The following EPHB2 variants were observed in gnomAD, a reference collection of about 807,000 sequenced individuals.
EPHB2 encodes ephrin type-B receptor 2.
A neutral mutation model predicts 96.4 loss-of-function variants in EPHB2; 18 were observed. The ratio of observed to expected loss-of-function variants is 0.19; its 90% CI spans 0.13 to 0.28. The LOEUF (loss-of-function observed/expected upper bound fraction) is 0.28, where lower values mean the gene tolerates loss of function less well. Among genes scored for constraint, EPHB2 ranks in the 10% least tolerant of loss-of-function variants. The probability of loss-of-function intolerance (pLI) is 1.00; values close to 1 mark genes in which losing one functional copy is unlikely to be tolerated. For missense variants in EPHB2, 989 were observed against 1,355.4 expected (o/e 0.73, Z 4.25); for synonymous variants, 506 against 534.1 (o/e 0.95, Z 0.72).
intron 3 of EPHB2, among the ~76,000 whole-genome samples, chr1:22,806,564 C>T (rs1644930078): frequency 6.6e-6 from 1 of 152,048 alleles, no homozygotes; most frequent in African/African-American, 2.4e-5. Flanking sequence ...GATGGCTTCC[C>T]AGGCCCCAGG....
chr1:22,814,157 C>A (rs769790632), intron 3 of EPHB2, among the ~76,000 whole-genome samples: 3 of 151,832 alleles, frequency 2.0e-5, no homozygotes, highest in African/African-American at 7.3e-5. Context: ...GCAACGAGAG[C>A]GAAACTCCAT....
At chr1:22,832,949 C>G (rs1436804128) in intron 3 of EPHB2, among the ~76,000 whole-genome samples, 1 of 152,110 alleles carries the variant, frequency 6.6e-6, no homozygotes, top group Non-Finnish European at 1.5e-5. Context: ...CACATGTATA[C>G]AGACAGGGAG....
intron 3 of EPHB2, among the ~76,000 whole-genome samples, chr1:22,839,977 A>T (rs1645441882): frequency 6.6e-6 from 1 of 152,142 alleles, no homozygotes; most frequent in South Asian, 2.1e-4. Context: ...CAGGGACTGG[A>T]TCTCATTTGT....
At chr1:22,714,496 G>A (rs746981409) in intron 1 of EPHB2, among the ~76,000 whole-genome samples, 1 of 152,324 alleles carries the variant, frequency 6.6e-6, no homozygotes, top group African/African-American at 2.4e-5. Context: ...ACTTTGATGT[G>A]TCTGAGGAGG....
intron 6 of EPHB2, among the ~76,000 whole-genome samples, chr1:22,883,713 C>T (rs1233431840): frequency 2.0e-5 from 3 of 152,180 alleles, no homozygotes; most frequent in Non-Finnish European, 4.4e-5. Context: ...CTAACCAGGC[C>T]GGTCTCCAGG....
intron 1 of EPHB2, among the ~76,000 whole-genome samples, chr1:22,766,380 C>A (rs1644307838): frequency 6.6e-6 from 1 of 152,208 alleles, no homozygotes; most frequent in Non-Finnish European, 1.5e-5. Context: ...TATCCCTGTT[C>A]AAATGCAGCG....
chr1:22,824,345 A>G (rs4655125), intron 3 of EPHB2, among the ~76,000 whole-genome samples: 151,485 of 152,296 alleles, frequency 0.99, 75,344 homozygotes, highest in Middle Eastern at 1. Context: ...AAAGGCCTCC[A>G]TCCAACTCAG....
intron 3 of EPHB2, among the ~76,000 whole-genome samples, chr1:22,788,642 A>T (rs1644645691): frequency 6.6e-6 from 1 of 152,064 alleles, no homozygotes; most frequent in Admixed American, 6.5e-5. Flanking sequence ...GTTAAAGTGC[A>T]GGTTTCTGGG....
chr1:22,729,438 T>C (rs1643654643), intron 1 of EPHB2, among the ~76,000 whole-genome samples: 1 of 152,232 alleles, frequency 6.6e-6, no homozygotes. Flanking sequence ...TTTCCACAAC[T>C]CCCTGTTGCT....
chr1:22,806,627 G>A (rs966086363), intron 3 of EPHB2, among the ~76,000 whole-genome samples: 4 of 152,270 alleles, frequency 2.6e-5, no homozygotes, highest in Middle Eastern at 3.4e-3. Context: ...GGCTCCTGCC[G>A]CCCCTATTCC....
At chr1:22,802,866 A>G (rs1176906472) in intron 3 of EPHB2, among the ~76,000 whole-genome samples, 1 of 152,184 alleles carries the variant, frequency 6.6e-6, no homozygotes, top group Non-Finnish European at 1.5e-5. Flanking sequence ...GCCAGAACAC[A>G]GTGGGATCTG....
chr1:22,760,191 T>G, intron 1 of EPHB2, among the ~76,000 whole-genome samples: 1 of 151,602 alleles, frequency 6.6e-6, no homozygotes, highest in South Asian at 2.1e-4. Context: ...CACAGTTTGG[T>G]GGAGGTGGGG....
intron 3 of EPHB2, among the ~76,000 whole-genome samples, chr1:22,807,115 G>A (rs1433351686): frequency 6.6e-6 from 1 of 152,208 alleles, no homozygotes; most frequent in Non-Finnish European, 1.5e-5. Flanking sequence ...GCACCTCTGA[G>A]GGACCTGTCA....
At chr1:22,847,233 A>C (rs1260672667) in intron 3 of EPHB2, among the ~76,000 whole-genome samples, 2 of 152,174 alleles carry the variant, frequency 1.3e-5, no homozygotes, top group Non-Finnish European at 2.9e-5. Flanking sequence ...GATTTTTCAG[A>C]TGAGGAAACG....
At chr1:22,769,331 G>A (rs1644347923) in intron 1 of EPHB2, among the ~76,000 whole-genome samples, 1 of 152,202 alleles carries the variant, frequency 6.6e-6, no homozygotes, top group Admixed American at 6.5e-5. Context: ...GCCAGACAGG[G>A]CTTAGGGTTT....
intron 1 of EPHB2, among the ~76,000 whole-genome samples, chr1:22,739,894 A>G (rs1487676160): frequency 2.6e-5 from 4 of 152,202 alleles, no homozygotes; most frequent in Non-Finnish European, 5.9e-5. Flanking sequence ...GCCGGGCTGC[A>G]GAAGGGCTGC....
chr1:22,819,943 T>C (rs948022062), intron 3 of EPHB2, among the ~76,000 whole-genome samples: 1 of 151,778 alleles, frequency 6.6e-6, no homozygotes, highest in African/African-American at 2.4e-5. Flanking sequence ...ACCAGCCTGG[T>C]CATACCCACA....
intron 3 of EPHB2, among the ~76,000 whole-genome samples, chr1:22,862,414 T>C (rs1028663964): frequency 1.3e-5 from 2 of 152,064 alleles, no homozygotes; most frequent in Non-Finnish European, 2.9e-5. Context: ...ATACTCACAA[T>C]GACCCTGCAG....
intron 1 of EPHB2, among the ~76,000 whole-genome samples, chr1:22,772,942 C>G (rs572576970): frequency 6.6e-6 from 1 of 152,330 alleles, no homozygotes; most frequent in Admixed American, 6.5e-5. Context: ...TACCCTGCCC[C>G]TTACTGGCCT....
Sources: gnomAD v4.1 joint callset for allele counts (sites outside exome capture counted in the v4.1 genomes callset) on GRCh38, gnomAD v4.1.1 for gene constraint, MANE v1.5 for transcripts, NCBI Gene and HGNC (gene_info 2026-07-23, HGNC 2026-07-21) for gene names.